Variants in DDX60L observed in about 807,000 individuals in gnomAD.
The protein encoded by DDX60L is probable ATP-dependent RNA helicase DDX60-like.
In DDX60L, 191 loss-of-function variants were observed where a neutral mutation model predicts 211.6. That is an observed-to-expected ratio of 0.90 (90% confidence interval 0.80 to 1.02). The LOEUF (loss-of-function observed/expected upper bound fraction) is 1.02. Among genes scored for constraint, DDX60L ranks in the 50% least tolerant of loss-of-function variants. DDX60L has a pLI of 0.00. For synonymous variants in DDX60L, 706 were observed against 694.1 expected (o/e 1.02, Z -0.27); for missense variants, 2,007 against 1,984.1 (o/e 1.01, Z -0.22).
intron 12 of DDX60L, among the ~76,000 whole-genome samples, chr4:168,432,238 T>C (rs1028350706): frequency 6.8e-6 from 1 of 147,276 alleles, no homozygotes; most frequent in East Asian, 1.9e-4. Flanking sequence ...TATATATATA[T>C]ATATTGTGTG....
chr4:168,406,107 G>A (rs182903390), intron 23 of DDX60L, 29 bp from the exon 24 acceptor site: 4 of 1,577,872 alleles, frequency 2.5e-6, no homozygotes, highest in Admixed American at 1.9e-5. Flanking sequence ...ACAAAATTAA[G>A]CTAAGCTATG....
At chr4:168,464,263 TG>T (rs1757683027) in intron 4 of DDX60L, among the ~76,000 whole-genome samples, 1 of 152,186 alleles carries the variant, frequency 6.6e-6, no homozygotes, top group African/African-American at 2.4e-5. Context: ...GGCCATGTAT[TG>T]GACGTCAAAA....
intron 31 of DDX60L, 68 bp downstream of exon 31, chr4:168,379,658 G>C: frequency 1.5e-6 from 2 of 1,324,150 alleles, no homozygotes; most frequent in Non-Finnish European, 2.1e-6. Flanking sequence ...AATTTCAGTT[G>C]GTTTAGCATA....
At chr4:168,393,933 G>T (rs946882099) in intron 28 of DDX60L, among the ~76,000 whole-genome samples, 1 of 152,110 alleles carries the variant, frequency 6.6e-6, no homozygotes, top group South Asian at 2.1e-4. Flanking sequence ...AGTGGCTCAC[G>T]CCTGTAATCC....
intron 17 of DDX60L, among the ~76,000 whole-genome samples, chr4:168,421,053 G>T (rs185686177): frequency 0.018 from 2,682 of 152,008 alleles, 31 homozygotes; most frequent in Non-Finnish European, 0.027. Flanking sequence ...CCATATTGCT[G>T]GAAATGGAAG....
chr4:168,422,637 T>C lies in DDX60L; in HGVS notation c.2131A>G (p.Ile711Val). ...TGAAACCGAGCTGGTCCAATGTCAA[T>C]CGAATATTTCTTCTTATTTTTGTCA... ...GDDKNKKKYS[I>V]DIGPARFQLQ... The change falls in exon 16 of 38, where the codon ATT (isoleucine) becomes GTT (valine). Residue 711 changes from isoleucine to valine, a missense_variant. By Grantham distance (29) the Ile-to-Val change is conservative (BLOSUM62 3). Transcript: ENST00000682922. 1 of 1,609,344 alleles carries C rather than the reference T, an allele frequency of 6.2e-7. No homozygotes were observed. Among genetic ancestry groups the C allele is most frequent in the East Asian group, 2.2e-5 (1 of 44,838 alleles).
intron 4 of DDX60L, among the ~76,000 whole-genome samples, chr4:168,462,999 A>C (rs949322819): frequency 6.6e-6 from 1 of 152,188 alleles, no homozygotes; most frequent in Non-Finnish European, 1.5e-5. Flanking sequence ...AAAAAATAAC[A>C]GATGCTGATA....
chr4:168,402,857 G>C (rs181056071), intron 25 of DDX60L, among the ~76,000 whole-genome samples: 3 of 152,254 alleles, frequency 2.0e-5, no homozygotes, highest in Admixed American at 2.0e-4. Flanking sequence ...AAGACAACTG[G>C]AAACTCCGTT....
In DDX60L at chr4:168,461,930, T is replaced by G; in HGVS notation, c.375A>C (p.Gly125=). 2 of 1,612,710 alleles carry G rather than the reference T, an allele frequency of 1.2e-6. No homozygotes were observed. Among genetic ancestry groups the G allele is most frequent in the Middle Eastern group, 3.3e-4 (2 of 6,056 alleles). Residue 125 remains glycine (G), a synonymous_variant, in exon 5 of 38, where the codon GGA becomes GGC. Coordinates refer to ENST00000682922, the MANE Select transcript of DDX60L (RefSeq NM_001012967.3). ...TNIDVQTEFS[G]CLSQDWKLFL... ...ATAACTTCCAATCTTGTGATAAGCATCCAGAAAACTCCGTTTGCACATCAA... is the reference window on the plus strand; with the variant it reads ...ATAACTTCCAATCTTGTGATAAGCAGCCAGAAAACTCCGTTTGCACATCAA...
chr4:168,467,576 C>G (rs1022785042), intron 4 of DDX60L, among the ~76,000 whole-genome samples: 2 of 151,790 alleles, frequency 1.3e-5, no homozygotes, highest in African/African-American at 4.8e-5. Flanking sequence ...TTAGATAAGG[C>G]GGGCAAATCC....
intron 4 of DDX60L, among the ~76,000 whole-genome samples, chr4:168,466,151 A>G (rs1757963407): frequency 6.6e-6 from 1 of 152,170 alleles, no homozygotes; most frequent in Non-Finnish European, 1.5e-5. Context: ...TTATGAAGTT[A>G]GTGGAAAAAA....
chr4:168,366,063 A>G (rs1739932437), intron 36 of DDX60L, among the ~76,000 whole-genome samples: 1 of 152,124 alleles, frequency 6.6e-6, no homozygotes, highest in African/African-American at 2.4e-5. Context: ...CATAGCTAAC[A>G]TCATACGATC....
intron 5 of DDX60L, among the ~76,000 whole-genome samples, chr4:168,459,857 TA>T (rs1394039466): frequency 3.1e-5 from 4 of 127,190 alleles, no homozygotes; most frequent in Non-Finnish European, 6.7e-5. Context: ...AAGAGAAGTC[TA>T]AAGTTCAAAA....
At position 168,465,210 on chromosome 4, in the gene DDX60L, T is replaced by C. The variant is rs1308727980; in HGVS notation, c.265-3170A>G. Reference sequence around the variant, plus strand: ...TCTAATGGGGTGAGATGCTATCTTATTATGGTTTGGATTTGCATTTCTCCG... The same window carrying C: ...TCTAATGGGGTGAGATGCTATCTTACTATGGTTTGGATTTGCATTTCTCCG... On this transcript the variant is annotated intron_variant, in intron 4 of 37. Transcript: ENST00000682922. Among the ~76,000 whole-genome samples the C allele has an allele frequency of 2.0e-5, 3 of 152,100 alleles. No homozygotes were observed. The East Asian group carries it at 5.8e-4, about 29-fold the overall frequency.
chr4:168,361,575 A>ACTAGACCTAGAC (rs1334774273), intron 36 of DDX60L: 1 of 159,882 alleles, frequency 6.3e-6, no homozygotes, highest in Admixed American at 6.4e-5. Context: ...GTTCTTCATA[A>ACTAGACCTAGAC]CTAAGAACTA....
chr4:168,432,097 A>C (rs1374117891), intron 12 of DDX60L, among the ~76,000 whole-genome samples: 1 of 152,150 alleles, frequency 6.6e-6, no homozygotes, highest in Admixed American at 6.5e-5. Flanking sequence ...GCATATGTAC[A>C]TCCTTAAAAG....
chr4:168,396,136 A>AG lies in DDX60L; in HGVS notation c.3492-13_3492-12insC. ...GGTTTTTTTTAGTGCTACTATTTAAAAAAAAAAAAAAACTTTTAAGTAATG... is the reference window on the plus strand; with the variant it reads ...GGTTTTTTTTAGTGCTACTATTTAAAGAAAAAAAAAAAACTTTTAAGTAATG... On this transcript the variant is annotated splice_polypyrimidine_tract_variant and intron_variant, in intron 26 of 37. Transcript: ENST00000682922. The AG allele has an allele frequency of 7.2e-7, 1 of 1,391,106 alleles. No homozygotes were observed. Among genetic ancestry groups the AG allele is most frequent in the Non-Finnish European group, 9.6e-7 (1 of 1,037,934 alleles). 86.2% of individuals were successfully genotyped at this position (1,391,106 alleles called of 1,614,324 possible). A position where few individuals can be genotyped will look rare whatever the true frequency, so the allele number is the denominator to read the frequency against.
At chr4:168,441,595 C>G (rs1753846919) in intron 9 of DDX60L, 103 bp from the exon 10 acceptor site, 2 of 953,832 alleles carry the variant, frequency 2.1e-6, no homozygotes, top group Non-Finnish European at 3.1e-6. Context: ...GAAAGATGAT[C>G]AAATATGGAA....
chr4:168,435,327 T>C (rs1752889521), intron 10 of DDX60L, among the ~76,000 whole-genome samples: 1 of 152,128 alleles, frequency 6.6e-6, no homozygotes, highest in African/African-American at 2.4e-5. Context: ...CTTAGAAAAA[T>C]TGTAAGCCAA....
Sources: allele counts gnomAD v4.1 joint callset (sites outside exome capture counted in the v4.1 genomes callset), GRCh38; gene constraint gnomAD v4.1.1; transcripts MANE v1.5; gene names NCBI Gene and HGNC (gene_info 2026-07-23, HGNC 2026-07-21).